The following ADAM22 variants were observed in gnomAD, a reference collection of about 807,000 sequenced individuals.
The protein encoded by ADAM22 is ADAM metallopeptidase domain 22, also known as disintegrin and metalloproteinase domain-containing protein 22.
A neutral mutation model predicts 144.6 loss-of-function variants in ADAM22; 65 were observed. The ratio of observed to expected loss-of-function variants is 0.45; its 90% CI spans 0.37 to 0.55. The LOEUF (loss-of-function observed/expected upper bound fraction) is 0.55, where lower values mean the gene tolerates loss of function less well. ADAM22 is among the 20% of genes least tolerant of loss of function. The pLI is 0.00. For synonymous variants in ADAM22, 391 were observed against 412.6 expected (o/e 0.95, Z 0.63); for missense variants, 974 against 1,184.9 (o/e 0.82, Z 2.61).
At position 88,145,395 on chromosome 7, in the gene ADAM22, A is replaced by G; in HGVS notation, c.1393-20A>G. 1 of 1,597,268 alleles carries G rather than the reference A, an allele frequency of 6.3e-7. No homozygotes were observed. The highest frequency in any genetic ancestry group is 8.5e-7 in the Non-Finnish European group (1 of 1,170,640). On this transcript the variant is annotated intron_variant, in intron 16 of 31. Coordinates refer to ENST00000413139, the MANE Select transcript of ADAM22 (RefSeq NM_001324418.2). Reference sequence around the variant, plus strand: ...AGTGACACCGTTTTCTGATGTTTTGAAAATGTTTATATTCCTTAGGAATGT... The same window carrying G: ...AGTGACACCGTTTTCTGATGTTTTGGAAATGTTTATATTCCTTAGGAATGT...
At chr7:87,949,890 A>G (rs1049763540) in intron 2 of ADAM22, among the ~76,000 whole-genome samples, 4 of 149,878 alleles carry the variant, frequency 2.7e-5, no homozygotes, top group Non-Finnish European at 5.9e-5. Flanking sequence ...TTACACGTCT[A>G]TTATATAAAT....
At chr7:87,963,034 G>T (rs1848324102) in intron 2 of ADAM22, among the ~76,000 whole-genome samples, 1 of 152,160 alleles carries the variant, frequency 6.6e-6, no homozygotes, top group African/African-American at 2.4e-5. Context: ...TTATATTATT[G>T]TCTTGTAAGA....
At chr7:88,177,212 T>A (rs1040433379) in intron 26 of ADAM22, among the ~76,000 whole-genome samples, 1 of 152,184 alleles carries the variant, frequency 6.6e-6, no homozygotes, top group African/African-American at 2.4e-5. Flanking sequence ...AATATTAATG[T>A]AATACAAAAG....
intron 3 of ADAM22, among the ~76,000 whole-genome samples, chr7:88,027,256 G>A (rs1799212981): frequency 6.6e-6 from 1 of 152,076 alleles, no homozygotes; most frequent in Non-Finnish European, 1.5e-5. Flanking sequence ...GAATGAGTTT[G>A]GAAGCATTCC....
intron 4 of ADAM22, among the ~76,000 whole-genome samples, chr7:88,105,416 GA>G (rs1200512214): frequency 6.6e-6 from 1 of 152,166 alleles, no homozygotes; most frequent in Non-Finnish European, 1.5e-5. Context: ...CACAAAGCTA[GA>G]ACTTTGATCT....
chr7:88,178,956 T>C lies in ADAM22; in HGVS notation c.2322T>C (p.Tyr774=). Residue 774 remains tyrosine, a synonymous_variant, in exon 27 of 32, where the codon TAT becomes TAC. Transcript: ENST00000413139. ...REQRQLPQGD[Y]VKKPGDGDSF... Reference sequence around the variant, plus strand: ...TTAGACAGTTACCCCAGGGAGATTATGTAAAAAAGCCTGGAGATGGTGACT... The same window carrying C: ...TTAGACAGTTACCCCAGGGAGATTACGTAAAAAAGCCTGGAGATGGTGACT... 1 of 1,611,428 alleles carries C rather than the reference T, an allele frequency of 6.2e-7. No individual in the cohort carries two copies. The highest frequency in any genetic ancestry group is 8.5e-7 in the Non-Finnish European group (1 of 1,178,850).
intron 4 of ADAM22, among the ~76,000 whole-genome samples, chr7:88,076,833 ACTAT>A (rs1447116867): frequency 2.0e-5 from 3 of 152,218 alleles, no homozygotes; most frequent in African/African-American, 7.2e-5. Flanking sequence ...TAGTGTTCAG[ACTAT>A]CTATTCTACT....
intron 2 of ADAM22, among the ~76,000 whole-genome samples, chr7:87,960,776 G>C (rs569418503): frequency 6.6e-6 from 1 of 152,074 alleles, no homozygotes; most frequent in Non-Finnish European, 1.5e-5. Context: ...TCAGGTTAAG[G>C]CTCAGTAGCT....
chr7:88,114,108 G>A (rs534058397), intron 5 of ADAM22, among the ~76,000 whole-genome samples: 82 of 152,198 alleles, frequency 5.4e-4, no homozygotes, highest in African/African-American at 1.9e-3. Flanking sequence ...AAATGTGTTA[G>A]CTCTTGTTAC....
At chr7:87,945,411 A>G (rs1441975512) in intron 2 of ADAM22, among the ~76,000 whole-genome samples, 1 of 152,146 alleles carries the variant, frequency 6.6e-6, no homozygotes, top group Non-Finnish European at 1.5e-5. Flanking sequence ...TTCCAGAAAA[A>G]CTTTAAGTAA....
At chr7:87,965,271 T>A (rs1034298074) in intron 2 of ADAM22, among the ~76,000 whole-genome samples, 3 of 152,236 alleles carry the variant, frequency 2.0e-5, no homozygotes, top group Admixed American at 6.5e-5. Context: ...TCCTTAACAT[T>A]AGGGACTTAA....
At chr7:88,085,816 C>T (rs891105658) in intron 4 of ADAM22, among the ~76,000 whole-genome samples, 3 of 152,162 alleles carry the variant, frequency 2.0e-5, no homozygotes, top group Non-Finnish European at 4.4e-5. Context: ...CCCTTCCTTG[C>T]TTTTGTTTAT....
chr7:88,180,394 T>C (rs1737129814), intron 27 of ADAM22, among the ~76,000 whole-genome samples: 1 of 152,052 alleles, frequency 6.6e-6, no homozygotes. Flanking sequence ...AGAATTTCTG[T>C]TGTTCTTTTG....
intron 5 of ADAM22, among the ~76,000 whole-genome samples, chr7:88,113,724 A>ATATATATATATATATG (rs1826919987): frequency 8.4e-6 from 1 of 118,992 alleles, no homozygotes; most frequent in Non-Finnish European, 1.7e-5. Flanking sequence ...ATATATATAT[A>ATATATATATATATATG]TATATATATA....
intron 3 of ADAM22, among the ~76,000 whole-genome samples, chr7:88,023,762 T>C (rs1401088131): frequency 6.6e-6 from 1 of 152,180 alleles, no homozygotes; most frequent in Non-Finnish European, 1.5e-5. Flanking sequence ...CCTGTTGTGC[T>C]ATCAAATATT....
At chr7:88,115,806 A>C (rs1343503553) in intron 6 of ADAM22, among the ~76,000 whole-genome samples, 2 of 152,210 alleles carry the variant, frequency 1.3e-5, no homozygotes, top group East Asian at 3.8e-4. Context: ...TTAAGGCTCT[A>C]TGCTGATGAA....
At chr7:88,086,776 C>T (rs964780753) in intron 4 of ADAM22, among the ~76,000 whole-genome samples, 1 of 152,184 alleles carries the variant, frequency 6.6e-6, no homozygotes, top group Non-Finnish European at 1.5e-5. Context: ...TGAGTAGTGG[C>T]AGCAGAGTCT....
At chr7:88,016,953 A>G (rs1304778103) in intron 3 of ADAM22, among the ~76,000 whole-genome samples, 1 of 152,214 alleles carries the variant, frequency 6.6e-6, no homozygotes, top group East Asian at 1.9e-4. Flanking sequence ...CCTTGTCGCT[A>G]CAGAAAACTA....
Position 88,040,751 on chromosome 7 carries a change from G to A in ADAM22, c.324-34875G>A, listed in dbSNP as rs1425019286. Among the ~76,000 whole-genome samples, 7 of 151,870 alleles carry A rather than the reference G, an allele frequency of 4.6e-5. 1 individual carries two copies. Among genetic ancestry groups the A allele is most frequent in the Non-Finnish European group, 1.5e-5 (1 of 67,912 alleles). ...TGCTTAGGGTGAAGTAAAGGTGTTGGCCTGTTTGCTTGTTCAGATGAGCTG... is the reference window on the plus strand; with the variant it reads ...TGCTTAGGGTGAAGTAAAGGTGTTGACCTGTTTGCTTGTTCAGATGAGCTG... On this transcript the variant is annotated intron_variant, in intron 3 of 31. Transcript: ENST00000413139.
Sources: gnomAD v4.1 joint callset for allele counts (sites outside exome capture counted in the v4.1 genomes callset) on GRCh38, gnomAD v4.1.1 for gene constraint, MANE v1.5 for transcripts, NCBI Gene and HGNC (gene_info 2026-07-23, HGNC 2026-07-21) for gene names.